The following PCDH15 variants were observed in gnomAD, a reference collection of about 807,000 sequenced individuals.
PCDH15 encodes protocadherin related 15, also known as protocadherin-15.
PCDH15 carries 129 observed loss-of-function variants against 178.5 expected under a neutral mutation model. That is an observed-to-expected ratio of 0.72 (90% CI 0.63 to 0.84). PCDH15 has a LOEUF of 0.84. Among genes scored for constraint, PCDH15 ranks in the 40% least tolerant of loss-of-function variants. The probability of loss-of-function intolerance (pLI) is 0.00; values close to 1 mark genes in which losing one functional copy is unlikely to be tolerated. For missense variants in PCDH15, 2,230 were observed against 2,099.9 expected (o/e 1.06, Z -1.21); for synonymous variants, 800 against 732.0 (o/e 1.09, Z -1.50).
intron 2 of PCDH15, among the ~76,000 whole-genome samples, chr10:55,159,653 A>T (rs1839007305): frequency 6.8e-6 from 1 of 147,898 alleles, no homozygotes; most frequent in African/African-American, 2.5e-5. Flanking sequence ...TAAAGAGATA[A>T]AGAGATATAA....
At position 54,979,344 on chromosome 10, in the gene PCDH15, G is replaced by A. The variant is rs1484281342; in HGVS notation, c.-79-81844C>T. 7.2e-5 allele frequency among the ~76,000 whole-genome samples: 11 copies of A among 152,224 alleles called. No homozygotes were observed. The East Asian group carries it at 2.1e-3, about 29-fold the overall frequency. Reference sequence around the variant, plus strand: ...GAAAAGAAGCTGGACTTGTTTCTGTGGCTTCAAGAGGGAGACTAGGATCCA... The same window carrying A: ...GAAAAGAAGCTGGACTTGTTTCTGTAGCTTCAAGAGGGAGACTAGGATCCA... On this transcript the variant is annotated intron_variant, in intron 2 of 5. Coordinates refer to the PCDH15 transcript ENST00000458638.
At chr10:55,272,576 T>C (rs1213212322) in intron 1 of PCDH15, among the ~76,000 whole-genome samples, 1 of 151,678 alleles carries the variant, frequency 6.6e-6, no homozygotes, top group African/African-American at 2.4e-5. Flanking sequence ...AGAGACGTGG[T>C]TTTACCATAC....
At chr10:54,181,883 T>C (rs2048014970) in intron 13 of PCDH15, among the ~76,000 whole-genome samples, 1 of 152,186 alleles carries the variant, frequency 6.6e-6, no homozygotes, top group South Asian at 2.1e-4. Context: ...CAAGAAAGCA[T>C]ATCTTAATTC....
chr10:55,349,591 G>A (rs1844856731), intron 2 of PCDH15, among the ~76,000 whole-genome samples: 1 of 151,854 alleles, frequency 6.6e-6, no homozygotes, highest in South Asian at 2.1e-4. Context: ...ATTGTGTAAT[G>A]AAAATGAATT....
Position 54,290,650 on chromosome 10 carries a change from C to T in PCDH15, c.876+26621G>A, listed in dbSNP as rs546977101. 1.3e-4 allele frequency among the ~76,000 whole-genome samples: 20 copies of T among 152,292 alleles called. No homozygotes were observed. The East Asian group carries it at 3.5e-3, about 26-fold the overall frequency. ...ATCAGTGTGCTGTATTCAAGAGACA[C>T]ATCTCACATACAAAGACGAATATAG... On this transcript the variant is annotated intron_variant, in intron 8 of 37. Transcript: ENST00000644397.
intron 1 of PCDH15, among the ~76,000 whole-genome samples, chr10:54,720,529 A>G (rs1468504623): frequency 1.3e-5 from 2 of 150,174 alleles, no homozygotes; most frequent in Admixed American, 6.7e-5. Context: ...AAAAAAAAAT[A>G]CCAGCTAACA....
At chr10:55,344,133 A>T (rs1243111691) in intron 2 of PCDH15, among the ~76,000 whole-genome samples, 4 of 152,048 alleles carry the variant, frequency 2.6e-5, no homozygotes, top group Admixed American at 1.3e-4. Flanking sequence ...TGAAATATAT[A>T]TGTATTCAGA....
At chr10:54,941,847 C>A (rs1341141798) in intron 2 of PCDH15, among the ~76,000 whole-genome samples, 1 of 151,908 alleles carries the variant, frequency 6.6e-6, no homozygotes, top group African/African-American at 2.4e-5. Flanking sequence ...TAATATTGAT[C>A]TTCAAATGAT....
chr10:54,478,455 T>C (rs1209195829), intron 3 of PCDH15, among the ~76,000 whole-genome samples: 1 of 152,112 alleles, frequency 6.6e-6, no homozygotes, highest in East Asian at 1.9e-4. Context: ...TTTTTCAAGA[T>C]AAAAAAGTTA....
intron 1 of PCDH15, among the ~76,000 whole-genome samples, chr10:54,758,633 A>C (rs1365454255): frequency 6.6e-6 from 1 of 152,146 alleles, no homozygotes; most frequent in African/African-American, 2.4e-5. Flanking sequence ...CCTTTAAATA[A>C]AGGCAATGAA....
chr10:54,272,050 T>TCA (rs1183921668), intron 8 of PCDH15, among the ~76,000 whole-genome samples: 3 of 142,788 alleles, frequency 2.1e-5, no homozygotes, highest in African/African-American at 7.6e-5. Flanking sequence ...TATATATATA[T>TCA]AAAACATTTG....
rs530634017 is a variant in PCDH15, at chr10:54,946,376, T to G, written c.-79-48876A>C. 3.3e-5 allele frequency among the ~76,000 whole-genome samples: 5 copies of G among 151,922 alleles called. No individual in the cohort carries two copies. In the East Asian group the frequency reaches 9.7e-4, roughly 29 times the overall value. On this transcript the variant is annotated intron_variant, in intron 2 of 5. Coordinates refer to the PCDH15 transcript ENST00000458638. ...TAGGAGTCTCCTCACGCCTTAACTG[T>G]GCTCCTTGGGTTAACACTGTCTCTT...
At position 55,172,493 on chromosome 10, in the gene PCDH15, G is replaced by A. The variant is rs1191454000; in HGVS notation, c.-155-5842C>T. 3.3e-5 allele frequency among the ~76,000 whole-genome samples: 5 copies of A among 151,736 alleles called. No individual in the cohort carries two copies. The South Asian group carries it at 1.0e-3, about 32-fold the overall frequency. On this transcript the variant is annotated intron_variant, in intron 1 of 5. Transcript: ENST00000458638. ...GACTTTTGAGAAAGCTTACTATTTT[G>A]CATAACAAGATGTGCAATGAATGGC...
At chr10:54,741,097 T>C (rs761953924) in intron 1 of PCDH15, among the ~76,000 whole-genome samples, 3 of 151,866 alleles carry the variant, frequency 2.0e-5, no homozygotes, top group South Asian at 2.1e-4. Flanking sequence ...TTACACATTG[T>C]ATGCATGTAT....
intron 1 of PCDH15, among the ~76,000 whole-genome samples, chr10:54,785,277 C>T (rs961812097): frequency 1.3e-5 from 2 of 151,866 alleles, no homozygotes; most frequent in African/African-American, 4.8e-5. Flanking sequence ...CCTGCCTCAA[C>T]ATTTTTTTCT....
At chr10:54,683,086 T>G (rs532122031) in intron 1 of PCDH15, among the ~76,000 whole-genome samples, 2 of 152,280 alleles carry the variant, frequency 1.3e-5, no homozygotes, top group African/African-American at 4.8e-5. Flanking sequence ...TTCTGAGATA[T>G]TATAAGACTT....
At chr10:55,287,169 T>C (rs1416348981) in intron 1 of PCDH15, among the ~76,000 whole-genome samples, 5 of 151,986 alleles carry the variant, frequency 3.3e-5, no homozygotes, top group Non-Finnish European at 7.4e-5. Context: ...TAGAGTCTTG[T>C]GTTGAGAAGA....
intron 2 of PCDH15, among the ~76,000 whole-genome samples, chr10:54,583,755 C>G (rs1359746962): frequency 6.6e-6 from 1 of 151,980 alleles, no homozygotes; most frequent in Non-Finnish European, 1.5e-5. Flanking sequence ...TTTCTGCTTT[C>G]AAAGAGAAAA....
rs1843011789 is a variant in PCDH15 at position 55,599,273 on chromosome 10, C to CTAAT, written c.-156+28351_-156+28352insATTA. On this transcript the variant is annotated intron_variant, in intron 2 of 5. Transcript: ENST00000613346. ...TTCATTAGTAGCAGTGACAAGCCTA[C>CTAAT]GGAGGCTGGTGATAGCTGATTGTCC... 9 of 152,254 alleles carry CTAAT rather than the reference C, an allele frequency of 5.9e-5. No individual in the cohort carries two copies. The South Asian group carries it at 1.7e-3, about 28-fold the overall frequency. The allele number at this position is 152,254 out of a possible 1,614,324, so 9.4% of individuals were successfully genotyped here.
Sources: allele counts gnomAD v4.1 joint callset (sites outside exome capture counted in the v4.1 genomes callset), GRCh38; gene constraint gnomAD v4.1.1; transcripts MANE v1.5; gene names NCBI Gene and HGNC (gene_info 2026-07-23, HGNC 2026-07-21).